Variants in CNOT1 observed in about 807,000 individuals in gnomAD.
CNOT1 encodes CCR4-associated factor 1.
Under a neutral mutation model 273.8 loss-of-function variants are expected in CNOT1, and 15 were observed. The observed-to-expected ratio is 0.05, with a 90% confidence interval of 0.04 to 0.08. CNOT1 has a LOEUF of 0.08. Among genes scored for constraint, CNOT1 ranks in the 10% least tolerant of loss-of-function variants. CNOT1 has a pLI of 1.00. For synonymous variants in CNOT1, 1,022 were observed against 1,005.5 expected (o/e 1.02, Z -0.31); for missense variants, 1,644 against 2,912.2 (o/e 0.56, Z 10.02).
rs1597409651 is a variant in CNOT1 at position 58,534,301 on chromosome 16, T to C, written c.5741A>G (p.Gln1914Arg). ...EMCVEISYRA[Q>R]AEQQHNPAAN... is the part of the protein sequence containing the mutation. ...AGCAGGATTGTGCTGCTGCTCAGCC[T>C]GAGCACGGTAACTGATTTCAACACA... Residue 1914 changes from glutamine (Q) to arginine (R), a missense_variant, in exon 40 of 49, where the codon CAG becomes CGG. Physicochemically the swap from Gln to Arg is conservative, Grantham distance 43. This residue lies in a region of CNOT1 where 133 missense variants were observed against 328.2 expected (regional missense o/e 0.41). Transcript: ENST00000317147. 6.2e-7 allele frequency: 1 copy of C among 1,614,170 alleles called. No individual in the cohort carries two copies. The highest frequency in any genetic ancestry group is 8.5e-7 in the Non-Finnish European group (1 of 1,180,038).
intron 1 of CNOT1, among the ~76,000 whole-genome samples, chr16:58,613,235 T>C (rs2042959586): frequency 6.6e-6 from 1 of 152,020 alleles, no homozygotes; most frequent in Non-Finnish European, 1.5e-5. Context: ...GGTTTCATCA[T>C]GTTGGCCAGG....
intron 16 of CNOT1, among the ~76,000 whole-genome samples, chr16:58,562,539 G>T (rs967395497): frequency 6.6e-6 from 1 of 151,390 alleles, no homozygotes; most frequent in Admixed American, 6.6e-5. Context: ...GCGGCGGGGG[G>T]GCGGCCAGGC....
chr16:58,565,774 T>C (rs1230904848), intron 16 of CNOT1, among the ~76,000 whole-genome samples: 2 of 151,962 alleles, frequency 1.3e-5, no homozygotes, highest in Non-Finnish European at 2.9e-5. Context: ...CAAAACCCCA[T>C]CTCTACCAAA....
In CNOT1 at chr16:58,526,887, C is replaced by T. The variant is rs1597396220; in HGVS notation, c.6454-749G>A. 2.0e-5 allele frequency among the ~76,000 whole-genome samples: 3 copies of T among 151,216 alleles called. No homozygotes were observed. The South Asian group carries it at 6.2e-4, about 31-fold the overall frequency. On this transcript the variant is annotated intron_variant, in intron 44 of 48. Coordinates refer to ENST00000317147, the MANE Select transcript of CNOT1 (RefSeq NM_016284.5). Reference sequence around the variant, plus strand: ...AGACTACATCTAAACTATAGCTGGGCACTTCTAGTGGTGTGCACCTCTAGT... The same window carrying T: ...AGACTACATCTAAACTATAGCTGGGTACTTCTAGTGGTGTGCACCTCTAGT...
At chr16:58,578,036 T>C (rs1430701737) in intron 13 of CNOT1, among the ~76,000 whole-genome samples, 1 of 152,250 alleles carries the variant, frequency 6.6e-6, no homozygotes. Flanking sequence ...AATTGCTCTG[T>C]GATCTCTCAT....
In CNOT1 at chr16:58,520,566, A is replaced by AT. The variant is rs1199476966; in HGVS notation, c.*391dup. Reference sequence around the variant, plus strand: ...TTTGCTATTCTTTGGGACACCAGGAATGTCAGAAGACATGGAGCTATGCCC... The same window carrying AT: ...TTTGCTATTCTTTGGGACACCAGGAATTGTCAGAAGACATGGAGCTATGCCC... On this transcript the variant is annotated 3_prime_UTR_variant, in exon 49 of 49. Transcript: ENST00000317147. The AT allele has an allele frequency of 5.2e-6, 1 of 192,520 alleles. No individual in the cohort carries two copies. The highest frequency in any genetic ancestry group is 1.1e-5 in the Non-Finnish European group (1 of 91,940). The allele number at this position is 192,520 out of a possible 1,614,324, so 11.9% of individuals were successfully genotyped here.
intron 1 of CNOT1, among the ~76,000 whole-genome samples, chr16:58,601,714 C>G (rs117764886): frequency 7.4e-6 from 1 of 135,480 alleles, no homozygotes; most frequent in Non-Finnish European, 1.6e-5. Context: ...TCTACATATG[C>G]TAGTGCTCCA....
At chr16:58,583,333 A>C (rs2041716388) in intron 8 of CNOT1, 151 bp from the exon 9 acceptor site, 5 of 1,429,628 alleles carry the variant, frequency 3.5e-6, no homozygotes, top group Non-Finnish European at 4.6e-6. Context: ...ACATTTATAC[A>C]GCTAGGAATG....
intron 8 of CNOT1, among the ~76,000 whole-genome samples, chr16:58,584,512 G>C (rs570821532): frequency 6.6e-6 from 1 of 151,914 alleles, no homozygotes; most frequent in East Asian, 1.9e-4. Context: ...TGTATTTTTA[G>C]TATAGACAGG....
intron 18 of CNOT1, among the ~76,000 whole-genome samples, chr16:58,557,324 G>T (rs1278047462): frequency 6.6e-6 from 1 of 152,150 alleles, no homozygotes; most frequent in African/African-American, 2.4e-5. Flanking sequence ...TTTTCTCAAT[G>T]ATTCAAATCA....
rs753575385 is a variant in CNOT1, at chr16:58,588,783, T to G, written c.210+16A>C. 1.2e-6 allele frequency: 2 copies of G among 1,611,572 alleles called. No homozygotes were observed. The highest frequency in any genetic ancestry group is 1.7e-6 in the Non-Finnish European group (2 of 1,178,898). ...ATTACAGCTAAGTGGACATGAACTC[T>G]GTAAGCCCCAAATACCTGATGGAAA... On this transcript the variant is annotated intron_variant, in intron 3 of 48. Transcript: ENST00000317147.
At chr16:58,546,520 T>G in intron 28 of CNOT1, 22 bp from the exon 29 acceptor site, 1 of 1,601,832 alleles carries the variant, frequency 6.2e-7, no homozygotes, top group Non-Finnish European at 8.5e-7. Flanking sequence ...CAGAGTTGGA[T>G]TAGAATTTTT....
chr16:58,547,334 ACC>A lies in CNOT1; in HGVS notation c.3640-40_3640-39del. The A allele has an allele frequency of 6.2e-7, 1 of 1,608,506 alleles. No homozygotes were observed. Among genetic ancestry groups the A allele is most frequent in the Non-Finnish European group, 8.5e-7 (1 of 1,177,622 alleles). ...AAATACTTTCAAAAGCGGGGAATAT[ACC>A]CCCCAAAATGGTATAACAAAACCAA... On this transcript the variant is annotated intron_variant, in intron 26 of 48. Transcript: ENST00000317147. The surrounding 1 kb of genome is among the most constrained non-coding windows in gnomAD (Gnocchi z 4.0).
chr16:58,624,063 AG>A (rs2043459931), intron 1 of CNOT1, among the ~76,000 whole-genome samples: 1 of 152,152 alleles, frequency 6.6e-6, no homozygotes, highest in African/African-American at 2.4e-5. Context: ...GAACAAAAGA[AG>A]GGGGTATTAG....
chr16:58,603,629 C>G (rs1222120937), intron 1 of CNOT1, among the ~76,000 whole-genome samples: 3 of 152,080 alleles, frequency 2.0e-5, no homozygotes, highest in Non-Finnish European at 2.9e-5. Context: ...CTACTCAGTT[C>G]TCTCTGGCCA....
Position 58,547,374 on chromosome 16 carries a change from T to C in CNOT1, c.3640-78A>G. The stretch of plus-strand genomic sequence containing the variant: ...ATAACAAAACCAAAGAAAAGTATTT[T>C]GCCAAGCTTATCCCCAAAACAGGAA... On this transcript the variant is annotated intron_variant, in intron 26 of 48. Coordinates refer to ENST00000317147, the MANE Select transcript of CNOT1 (RefSeq NM_016284.5). The surrounding 1 kb of genome is among the most constrained non-coding windows in gnomAD (Gnocchi z 4.0). 6.3e-7 allele frequency: 1 copy of C among 1,581,142 alleles called. No individual in the cohort carries two copies. The highest frequency in any genetic ancestry group is 8.6e-7 in the Non-Finnish European group (1 of 1,162,866).
At chr16:58,548,141 T>C (rs2040321753) in intron 25 of CNOT1, among the ~76,000 whole-genome samples, 1 of 152,190 alleles carries the variant, frequency 6.6e-6, no homozygotes, top group Non-Finnish European at 1.5e-5. Context: ...AGCCTCCTAT[T>C]GCAATCTTCA....
At chr16:58,627,126 C>T (rs950647948) in intron 1 of CNOT1, among the ~76,000 whole-genome samples, 2 of 151,760 alleles carry the variant, frequency 1.3e-5, no homozygotes, top group African/African-American at 2.4e-5. Flanking sequence ...GAAAGCTTCT[C>T]GGCTGGGCAC....
chr16:58,597,712 C>T, intron 2 of CNOT1: 1 of 512,594 alleles, frequency 2.0e-6, no homozygotes, highest in Admixed American at 2.1e-5. Context: ...CAAGCCAATA[C>T]CCACTGCACA....
Sources: allele counts gnomAD v4.1 joint callset (sites outside exome capture counted in the v4.1 genomes callset), GRCh38; gene constraint gnomAD v4.1.1; regional missense constraint gnomAD v4.1.1; non-coding constraint Gnocchi (gnomAD v3.1); transcripts MANE v1.5; gene names NCBI Gene and HGNC (gene_info 2026-07-23, HGNC 2026-07-21).